ZMYM2: variants seen among roughly 807,000 people sequenced by gnomAD.
ZMYM2 encodes zinc finger MYM-type containing 2, also known as zinc finger MYM-type protein 2.
ZMYM2 carries 56 observed loss-of-function variants against 162.8 expected under a neutral mutation model. The observed-to-expected ratio is 0.34, with a 90% CI of 0.28 to 0.43. The LOEUF (loss-of-function observed/expected upper bound fraction) is 0.43. ZMYM2 is among the 20% of genes least tolerant of loss of function. The probability of loss-of-function intolerance (pLI) is 1.00; values close to 1 mark genes in which losing one functional copy is unlikely to be tolerated. For synonymous variants in ZMYM2, 510 were observed against 541.6 expected, an observed-to-expected ratio of 0.94 and a Z score of 0.81; for missense variants, 1,275 against 1,621.8, an observed-to-expected ratio of 0.79 and a Z score of 3.67.
Position 19,980,371 on chromosome 13 carries a change from GTCTTT to G in ZMYM2, c.-10-12687_-10-12683del, listed in dbSNP as rs1405490029. Among the ~76,000 whole-genome samples the G allele has an allele frequency of 5.3e-5, 8 of 151,990 alleles. No homozygotes were observed. In the East Asian group the frequency reaches 1.2e-3, roughly 22 times the overall value. On this transcript the variant is annotated intron_variant, in intron 2 of 24. Coordinates refer to ENST00000610343, the MANE Select transcript of ZMYM2 (RefSeq NM_197968.4). ...CAGACTTTTTTTGTCTGTTTGGTCC[GTCTTT>G]TCTTATTCCCTACCTCACTGTTTTA...
chr13:19,914,046 T>C, the ZMYM2 span, among the ~76,000 whole-genome samples: 1 of 152,196 alleles, frequency 6.6e-6, no homozygotes, highest in Non-Finnish European at 1.5e-5. Flanking sequence ...TTGTTCATTT[T>C]GTTAGAAGGA....
At position 20,067,363 on chromosome 13, in the gene ZMYM2, C is replaced by G. The variant is rs747218145; in HGVS notation, c.3426C>G (p.Ile1142Met). The G allele has an allele frequency of 6.2e-7, 1 of 1,610,400 alleles. No individual in the cohort carries two copies. Among genetic ancestry groups the G allele is most frequent in the East Asian group, 2.2e-5 (1 of 44,830 alleles). The change falls in exon 21 of 25, where the codon ATC becomes ATG. Residue 1142 changes from isoleucine to methionine, a missense_variant. Coordinates refer to ENST00000610343, the MANE Select transcript of ZMYM2 (RefSeq NM_197968.4). ...PNGENYAPDS[I>M]YYLCLGIQEY... ...GAGAGAATTATGCACCTGACAGCAT[C>G]TATTACCTTTGCCTTGGAATACAGG...
chr13:19,885,871 ATG>A, the ZMYM2 span, among the ~76,000 whole-genome samples: 29 of 50,212 alleles, frequency 5.8e-4, 3 homozygotes, highest in African/African-American at 8.7e-4. Flanking sequence ...AAATATATAT[ATG>A]TATATACACA....
the ZMYM2 span, among the ~76,000 whole-genome samples, chr13:19,949,189 C>G: frequency 6.6e-6 from 1 of 151,874 alleles, no homozygotes. Flanking sequence ...GCGAATGAAT[C>G]ACCTGAGGTC....
In ZMYM2 at chr13:20,005,111, G is replaced by A. The variant is rs1950646442; in HGVS notation, c.1171G>A (p.Val391Met). The A allele has an allele frequency of 4.4e-6, 7 of 1,607,518 alleles. No individual in the cohort carries two copies. Among genetic ancestry groups the A allele is most frequent in the Non-Finnish European group, 5.9e-6 (7 of 1,177,898 alleles). The change falls in exon 5 of 25, where the codon GTG becomes ATG. Residue 391 changes from valine (V) to methionine (M), a missense_variant. Coordinates refer to ENST00000610343, the MANE Select transcript of ZMYM2 (RefSeq NM_197968.4). ...AATGAAAGGAACCATTGTTGCTCAA[G>A]TGGATTCAAGTGAGTCCTTCCAGGA... ...TTMKGTIVAQVDSSESFQEFC... is the reference protein window; with the variant it reads ...TTMKGTIVAQMDSSESFQEFC...
At chr13:19,955,233 A>G (rs556159126), upstream of ZMYM2, among the ~76,000 whole-genome samples, 2 of 151,968 alleles carry the variant, frequency 1.3e-5, no homozygotes, top group Non-Finnish European at 2.9e-5. Flanking sequence ...GAATATTATA[A>G]TTTTTTTCTA....
intron 21 of ZMYM2, among the ~76,000 whole-genome samples, chr13:20,078,338 CTA>C (rs1957662626): frequency 7.5e-6 from 1 of 133,180 alleles, no homozygotes; most frequent in Admixed American, 7.8e-5. Context: ...TAGAATCTAT[CTA>C]ATAGCCCTCA....
chr13:19,978,565 T>TGCCA (rs1956996754), intron 2 of ZMYM2, among the ~76,000 whole-genome samples: 1 of 151,956 alleles, frequency 6.6e-6, no homozygotes, highest in Admixed American at 6.6e-5. Context: ...TACAGGCATG[T>TGCCA]GCCACCACGC....
chr13:19,934,539 T>C, the ZMYM2 span, among the ~76,000 whole-genome samples: 27 of 152,204 alleles, frequency 1.8e-4, no homozygotes, highest in Non-Finnish European at 7.3e-5. Context: ...GCATGTCTGT[T>C]TGTCTCTAGA....
the ZMYM2 span, among the ~76,000 whole-genome samples, chr13:19,916,014 C>T: frequency 6.6e-6 from 1 of 152,016 alleles, no homozygotes; most frequent in South Asian, 2.1e-4. Flanking sequence ...GGCCCGCCAC[C>T]ACACCCGGCT....
chr13:19,883,636 T>C, the ZMYM2 span, among the ~76,000 whole-genome samples: 2 of 152,226 alleles, frequency 1.3e-5, no homozygotes, highest in African/African-American at 4.8e-5. Context: ...TCTTTCCTTT[T>C]TGTCTTTTCA....
At chr13:19,921,985 C>T in the ZMYM2 span, among the ~76,000 whole-genome samples, 1 of 151,992 alleles carries the variant, frequency 6.6e-6, no homozygotes, top group Non-Finnish European at 1.5e-5. Context: ...GCGATCTCGG[C>T]TTACTGCAAC....
At chr13:19,934,290 A>G in the ZMYM2 span, among the ~76,000 whole-genome samples, 1 of 152,072 alleles carries the variant, frequency 6.6e-6, no homozygotes, top group Non-Finnish European at 1.5e-5. Context: ...CCTCCTGAGT[A>G]GCTGGGACTA....
chr13:19,951,640 T>G, the ZMYM2 span, among the ~76,000 whole-genome samples: 1 of 151,478 alleles, frequency 6.6e-6, no homozygotes, highest in African/African-American at 2.4e-5. Context: ...AGGTGGGTGT[T>G]GCAGTGAGCT....
chr13:19,871,687 T>C, the ZMYM2 span, among the ~76,000 whole-genome samples: 1 of 152,320 alleles, frequency 6.6e-6, no homozygotes, highest in South Asian at 2.1e-4. Context: ...TTAGCACATA[T>C]ATGGCTCTAA....
intron 2 of ZMYM2, among the ~76,000 whole-genome samples, chr13:19,965,589 T>G (rs1222967584): frequency 1.3e-5 from 2 of 152,166 alleles, no homozygotes; most frequent in East Asian, 3.8e-4. Context: ...CATCTAGACT[T>G]AGTGAATTGT....
At chr13:20,002,139 C>G (rs1950438588) in intron 3 of ZMYM2, among the ~76,000 whole-genome samples, 1 of 152,140 alleles carries the variant, frequency 6.6e-6, no homozygotes, top group Non-Finnish European at 1.5e-5. Flanking sequence ...TATGGAAAAG[C>G]TGTTCTTAAA....
chr13:19,884,633 G>C, the ZMYM2 span, among the ~76,000 whole-genome samples: 1 of 152,058 alleles, frequency 6.6e-6, no homozygotes, highest in African/African-American at 2.4e-5. Flanking sequence ...AAGGTGACAC[G>C]TACTTAGTTT....
chr13:19,998,072 CAA>C (rs1227092378), intron 3 of ZMYM2, among the ~76,000 whole-genome samples: 1 of 152,094 alleles, frequency 6.6e-6, no homozygotes, highest in African/African-American at 2.4e-5. Context: ...AAACTGTACA[CAA>C]AGAGACATAT....
Sources: gnomAD v4.1 joint callset for allele counts (sites outside exome capture counted in the v4.1 genomes callset) on GRCh38, gnomAD v4.1.1 for gene constraint, MANE v1.5 for transcripts, NCBI Gene and HGNC (gene_info 2026-07-23, HGNC 2026-07-21) for gene names.